CDKAL1: variants seen among roughly 807,000 people sequenced by gnomAD.
CDKAL1 encodes threonylcarbamoyladenosine tRNA methylthiotransferase.
A neutral mutation model predicts 68.2 loss-of-function variants in CDKAL1; 32 were observed. That is an observed-to-expected ratio of 0.47 (90% CI 0.35 to 0.63). The LOEUF (loss-of-function observed/expected upper bound fraction) is 0.63, where lower values mean the gene tolerates loss of function less well. Among genes scored for constraint, CDKAL1 ranks in the 30% least tolerant of loss-of-function variants. The pLI is 0.00. For missense variants in CDKAL1, 606 were observed against 696.7 expected (o/e 0.87, Z 1.47); for synonymous variants, 234 against 244.3 (o/e 0.96, Z 0.39).
chr6:21,201,027 G>A lies in CDKAL1; in HGVS notation c.1384-83G>A, dbSNP rs935878036. On this transcript the variant is annotated intron_variant, in intron 14 of 15. Coordinates refer to ENST00000274695, the MANE Select transcript of CDKAL1 (RefSeq NM_017774.3). ...TACAGGAGCTCTCCATACTATCTTT[G>A]CAATAATTCTATAAATCTGAAACTG... 6 of 1,278,672 alleles carry A rather than the reference G, an allele frequency of 4.7e-6. No individual in the cohort carries two copies. In the African/African-American group the frequency reaches 9.0e-5, roughly 19 times the overall value. The allele number at this position is 1,278,672 out of a possible 1,614,324, so 79.2% of individuals were successfully genotyped here. A position where few individuals can be genotyped will look rare whatever the true frequency, so the allele number is the denominator to read the frequency against.
chr6:20,613,985 G>GT (rs5874774), intron 4 of CDKAL1, among the ~76,000 whole-genome samples: 28 of 151,702 alleles, frequency 1.8e-4, no homozygotes, highest in African/African-American at 6.1e-4. Flanking sequence ...TGTATCATGA[G>GT]TTTTTTTTGA....
chr6:21,105,086 TC>T (rs1773782427), intron 12 of CDKAL1, among the ~76,000 whole-genome samples: 1 of 152,224 alleles, frequency 6.6e-6, no homozygotes, highest in Non-Finnish European at 1.5e-5. Flanking sequence ...AGTGTTAGCA[TC>T]CGTCATTTTT....
intron 2 of CDKAL1, among the ~76,000 whole-genome samples, chr6:20,545,708 G>A (rs1020289949): frequency 6.6e-5 from 10 of 152,118 alleles, no homozygotes; most frequent in African/African-American, 1.9e-4. Context: ...TGGGATTACA[G>A]GCATAAGCCA....
At chr6:20,887,350 C>CA (rs1235756349) in intron 9 of CDKAL1, among the ~76,000 whole-genome samples, 2 of 151,974 alleles carry the variant, frequency 1.3e-5, no homozygotes, top group East Asian at 1.9e-4. Flanking sequence ...AAATTAGTCA[C>CA]AAAAAAGCTT....
At position 20,773,438 on chromosome 6, in the gene CDKAL1, A is replaced by G. The variant is rs1775029178; in HGVS notation, c.518-7707A>G. Among the ~76,000 whole-genome samples, 3 of 152,266 alleles carry G rather than the reference A, an allele frequency of 2.0e-5. No homozygotes were observed. The South Asian group carries it at 6.2e-4, about 31-fold the overall frequency. On this transcript the variant is annotated intron_variant, in intron 7 of 15. Transcript: ENST00000274695. Reference sequence around the variant, plus strand: ...AACTATGGACATTTTGTAGAAAAACAGATTAAATTGGGCACTTTTGTATAA... The same window carrying G: ...AACTATGGACATTTTGTAGAAAAACGGATTAAATTGGGCACTTTTGTATAA...
chr6:20,987,861 C>A (rs1469626045), intron 10 of CDKAL1, among the ~76,000 whole-genome samples: 1 of 151,722 alleles, frequency 6.6e-6, no homozygotes, highest in African/African-American at 2.4e-5. Flanking sequence ...CTCACTGCAG[C>A]CTTGACTTCC....
intron 4 of CDKAL1, among the ~76,000 whole-genome samples, chr6:20,597,745 A>G (rs1403528444): frequency 6.6e-6 from 1 of 152,194 alleles, no homozygotes; most frequent in East Asian, 1.9e-4. Context: ...GTTGTAGTTC[A>G]GTTTTTATAA....
intron 13 of CDKAL1, among the ~76,000 whole-genome samples, chr6:21,133,692 T>A (rs1162895770): frequency 6.6e-6 from 1 of 152,246 alleles, no homozygotes; most frequent in Non-Finnish European, 1.5e-5. Flanking sequence ...CATTAGTTAT[T>A]CATTCATCTT....
intron 4 of CDKAL1, among the ~76,000 whole-genome samples, chr6:20,557,556 T>TA (rs1764105410): frequency 6.6e-6 from 1 of 152,156 alleles, no homozygotes; most frequent in African/African-American, 2.4e-5. Flanking sequence ...TATGTATACA[T>TA]ATGTATATAT....
intron 4 of CDKAL1, among the ~76,000 whole-genome samples, chr6:20,643,773 C>T (rs532373572): frequency 4.5e-4 from 69 of 152,298 alleles, no homozygotes; most frequent in African/African-American, 1.5e-3. Context: ...AACATTTATA[C>T]AGATATCTGT....
Position 20,955,555 on chromosome 6 carries a change from A to C in CDKAL1, c.879A>C (p.Thr293=), listed in dbSNP as rs757750767. The part of the protein sequence containing the change: ...PEGAMLRLGM[T]NPPYILEHLE... ...GAGCAATGCTGAGGCTTGGCATGAC[A>C]AATCCGCCCTATATTTTAGAGCATC... Residue 293 remains threonine, a synonymous_variant, in exon 10 of 16, where the codon ACA becomes ACC. Coordinates refer to ENST00000274695, the MANE Select transcript of CDKAL1 (RefSeq NM_017774.3). The C allele has an allele frequency of 1.9e-6, 3 of 1,614,120 alleles. No individual in the cohort carries two copies. The highest frequency in any genetic ancestry group is 2.5e-6 in the Non-Finnish European group (3 of 1,180,002).
At chr6:20,966,662 T>C (rs1581928959) in intron 10 of CDKAL1, among the ~76,000 whole-genome samples, 1 of 152,196 alleles carries the variant, frequency 6.6e-6, no homozygotes, top group East Asian at 1.9e-4. Context: ...ATAACATTGA[T>C]TAGAGAAAAT....
Position 21,198,069 on chromosome 6 carries a change from A to G in CDKAL1, c.1348A>G (p.Lys450Glu), listed in dbSNP as rs1778540629. Residue 450 changes from lysine to glutamate, a missense_variant, in exon 14 of 16, where the codon AAG becomes GAG. Coordinates refer to ENST00000274695, the MANE Select transcript of CDKAL1 (RefSeq NM_017774.3). ...VLVTEESFDS[K>E]FYVAHNQFYE... is the part of the protein sequence containing the mutation. Reference sequence around the variant, plus strand: ...AGTAACAGAAGAATCTTTTGATTCCAAGTTTTATGTTGCACACAATCAATT... The same window carrying G: ...AGTAACAGAAGAATCTTTTGATTCCGAGTTTTATGTTGCACACAATCAATT... 2 of 1,606,520 alleles carry G rather than the reference A, an allele frequency of 1.2e-6. No individual in the cohort carries two copies. The highest frequency in any genetic ancestry group is 1.7e-6 in the Non-Finnish European group (2 of 1,176,336).
intron 9 of CDKAL1, among the ~76,000 whole-genome samples, chr6:20,902,782 A>G (rs1282656887): frequency 6.6e-6 from 1 of 152,202 alleles, no homozygotes; most frequent in Non-Finnish European, 1.5e-5. Context: ...CCAAAAGGCA[A>G]TAACAGAAGA....
At chr6:20,716,858 A>C (rs1772120890) in intron 5 of CDKAL1, among the ~76,000 whole-genome samples, 1 of 151,962 alleles carries the variant, frequency 6.6e-6, no homozygotes, top group Admixed American at 6.6e-5. Flanking sequence ...GCAGAAGATC[A>C]CCCAGAGAAT....
intron 4 of CDKAL1, among the ~76,000 whole-genome samples, chr6:20,613,481 G>C (rs916248375): frequency 6.7e-6 from 1 of 150,362 alleles, no homozygotes. Context: ...CACCATGTTG[G>C]CCAGGCTCGT....
chr6:20,553,877 G>T (rs972600670), intron 4 of CDKAL1, among the ~76,000 whole-genome samples: 1 of 151,416 alleles, frequency 6.6e-6, no homozygotes, highest in African/African-American at 2.4e-5. Context: ...CTCCCAAAGC[G>T]CTGGGATTAC....
At chr6:20,642,954 A>G (rs1160037135) in intron 4 of CDKAL1, among the ~76,000 whole-genome samples, 2 of 152,026 alleles carry the variant, frequency 1.3e-5, no homozygotes, top group Non-Finnish European at 2.9e-5. Context: ...CAGACTGTAA[A>G]TAATAAGATA....
intron 13 of CDKAL1, among the ~76,000 whole-genome samples, chr6:21,110,411 G>A (rs978283491): frequency 6.6e-6 from 1 of 152,146 alleles, no homozygotes; most frequent in Non-Finnish European, 1.5e-5. Flanking sequence ...ATCTGAGAAT[G>A]TTGCTATTTT....
Sources: gnomAD v4.1 joint callset for allele counts (sites outside exome capture counted in the v4.1 genomes callset) on GRCh38, gnomAD v4.1.1 for gene constraint, MANE v1.5 for transcripts, NCBI Gene and HGNC (gene_info 2026-07-23, HGNC 2026-07-21) for gene names.